Variants in KLHL9 observed in about 807,000 individuals in gnomAD.
KLHL9 encodes the protein kelch like family member 9, also known as kelch-like protein 9.
A neutral mutation model predicts 42.3 loss-of-function variants in KLHL9; 27 were observed. The observed-to-expected ratio is 0.64, with a 90% CI of 0.47 to 0.88. The LOEUF is 0.88. Ranked by LOEUF, KLHL9 falls within the 40% of genes least tolerant of loss-of-function variation. The pLI, the probability that KLHL9 is intolerant of heterozygous loss-of-function variation, is 0.00. For missense variants in KLHL9, 629 were observed against 750.3 expected (o/e 0.84, Z 1.89); for synonymous variants, 274 against 254.4 (o/e 1.08, Z -0.73).
chr9:21,333,846 G>A lies in KLHL9; in HGVS notation c.1014C>T (p.Tyr338=). 1 of 1,613,854 alleles carries A rather than the reference G, an allele frequency of 6.2e-7. No homozygotes were observed. Residue 338 remains tyrosine, a synonymous_variant, in exon 1 of 1, where the codon TAC becomes TAT. Coordinates refer to ENST00000359039, the MANE Select transcript of KLHL9 (RefSeq NM_018847.4). The surrounding 1 kb of genome is among the most constrained non-coding windows in gnomAD (Gnocchi z 7.5). ...RSLAPMDAPR[Y]QHGIAVIGNF... is the part of the protein sequence containing the mutation. ...TTCCAATGACAGCAATACCATGCTG[G>A]TAACGGGGAGCATCCATTGGGGCTA...
chr9:21,333,965 G>A lies in KLHL9; in HGVS notation c.895C>T (p.His299Tyr), dbSNP rs533792568. 1.1e-5 allele frequency: 17 copies of A among 1,614,174 alleles called. No individual in the cohort carries two copies. Among genetic ancestry groups the A allele is most frequent in the East Asian group, 2.2e-5 (1 of 44,888 alleles). ...DRTAIRSDSTHLVTLGGVLRQ... is the reference protein window; with the variant it reads ...DRTAIRSDSTYLVTLGGVLRQ... ...AAAACTCCTCCTAATGTAACCAAGT[G>A]AGTGGAGTCAGATCGAATGGCAGTT... is the stretch of plus-strand genomic sequence containing the variant. Residue 299 changes from histidine (H) to tyrosine (Y), a missense_variant, in exon 1 of 1, where the codon CAC becomes TAC. His to Tyr is a moderately conservative substitution (Grantham distance 83). Around this residue, in one of 4 missense-constraint regions of KLHL9, gnomAD observed 351 missense variants for 363.1 expected, o/e 0.97. Coordinates refer to ENST00000359039, the MANE Select transcript of KLHL9 (RefSeq NM_018847.4). The surrounding 1 kb of genome is among the most constrained non-coding windows in gnomAD (Gnocchi z 7.5).
rs907832177 is a variant in KLHL9 at position 21,330,786 on chromosome 9, G to C, written c.*2220C>G. The C allele has an allele frequency of 1.3e-5, 2 of 152,072 alleles. No individual in the cohort carries two copies. Among genetic ancestry groups the C allele is most frequent in the East Asian group, 3.9e-4 (2 of 5,180 alleles). The allele number at this position is 152,072 out of a possible 1,614,324, so 9.4% of individuals were successfully genotyped here. On this transcript the variant is annotated 3_prime_UTR_variant, in exon 1 of 1. Coordinates refer to ENST00000359039, the MANE Select transcript of KLHL9 (RefSeq NM_018847.4). ...TAAAAATACAAAATTAGCCGGGCTT[G>C]GTGGTACATGCCTGTAATCCCAGCT...
rs1337180840 is a variant in KLHL9, at chr9:21,333,050, G to A, written c.1810C>T (p.Pro604Ser). 5 of 1,614,180 alleles carry A rather than the reference G, an allele frequency of 3.1e-6. 1 individual carries two copies. In the South Asian group the frequency reaches 4.4e-5, roughly 14 times the overall value. ...GCTGAAAGAGGTGATTCTCTAGAAG[G>A]TGACCCAGGGTTTTCTTCAGGTGGA... ...VFPPEENPGS[P>S]SRESPLSAPS... The change falls in exon 1 of 1, where the codon CCT becomes TCT. Residue 604 changes from proline to serine, a missense_variant. This residue lies in a region of KLHL9 where 61 missense variants were observed against 63.5 expected (regional missense o/e 0.96). Transcript: ENST00000359039. This position sits in a 1 kb window ranked among gnomAD's most constrained non-coding sequence, Gnocchi z 7.5.
chr9:21,333,956 T>A lies in KLHL9; in HGVS notation c.904A>T (p.Thr302Ser), dbSNP rs201886256. ...AIRSDSTHLV[T>S]LGGVLRQQLV... ...TGCTGCCTCAAAACTCCTCCTAATG[T>A]AACCAAGTGAGTGGAGTCAGATCGA... Residue 302 changes from threonine to serine, a missense_variant, in exon 1 of 1, where the codon ACA (threonine) becomes TCA (serine). By Grantham distance (58) the Thr-to-Ser change is moderately conservative. Transcript: ENST00000359039. This position sits in a 1 kb window ranked among gnomAD's most constrained non-coding sequence, Gnocchi z 7.5. 2 of 1,614,110 alleles carry A rather than the reference T, an allele frequency of 1.2e-6. No homozygotes were observed. Among genetic ancestry groups the A allele is most frequent in the Admixed American group, 1.7e-5 (1 of 60,004 alleles).
Position 21,334,200 on chromosome 9 carries a change from A to T in KLHL9, c.660T>A (p.Cys220Ter). The change falls in exon 1 of 1, where the codon TGT (cysteine) becomes TGA (stop). Residue 220 changes from cysteine (C) to a stop codon, truncating the protein, a stop_gained. Coordinates refer to ENST00000359039, the MANE Select transcript of KLHL9 (RefSeq NM_018847.4). LOFTEE classifies it high-confidence loss of function. This position sits in a 1 kb window ranked among gnomAD's most constrained non-coding sequence, Gnocchi z 5.1. The part of the protein sequence containing the change: ...CTELELFKAA[C>*]RWLRLEDPRM... Reference sequence around the variant, plus strand: ...GAGGGTCTTCCAACCTTAGCCAGCGACAGGCTGCCTTAAAGAGTTCAAGTT... The same window carrying T: ...GAGGGTCTTCCAACCTTAGCCAGCGTCAGGCTGCCTTAAAGAGTTCAAGTT... 1 of 1,614,230 alleles carries T rather than the reference A, an allele frequency of 6.2e-7. No homozygotes were observed. Among genetic ancestry groups the T allele is most frequent in the Non-Finnish European group, 8.5e-7 (1 of 1,180,034 alleles).
Position 21,334,418 on chromosome 9 carries a change from CTGATA to C in KLHL9, c.437_441del (p.Ile146ArgfsTer6), listed in dbSNP as rs1563854940. On this transcript the variant is annotated frameshift_variant, in exon 1 of 1. Coordinates refer to ENST00000359039, the MANE Select transcript of KLHL9 (RefSeq NM_018847.4). LOFTEE classifies it high-confidence loss of function. This position sits in a 1 kb window ranked among gnomAD's most constrained non-coding sequence, Gnocchi z 5.1. ...TCAACACAGTTATCCAAAGAGACTC[CTGATA>C]TAAGAAATACTTTACAGAAATCCAA... The C allele has an allele frequency of 3.7e-6, 6 of 1,613,968 alleles. No individual in the cohort carries two copies. The highest frequency in any genetic ancestry group is 2.2e-5 in the South Asian group (2 of 91,074).
chr9:21,334,204 G>C lies in KLHL9; in HGVS notation c.656C>G (p.Ala219Gly). 9 of 1,614,164 alleles carry C rather than the reference G, an allele frequency of 5.6e-6. No homozygotes were observed. Among genetic ancestry groups the C allele is most frequent in the Non-Finnish European group, 6.8e-6 (8 of 1,180,022 alleles). Residue 219 changes from alanine to glycine, a missense_variant, in exon 1 of 1, where the codon GCC (alanine) becomes GGC (glycine). Coordinates refer to ENST00000359039, the MANE Select transcript of KLHL9 (RefSeq NM_018847.4). This position sits in a 1 kb window ranked among gnomAD's most constrained non-coding sequence, Gnocchi z 5.1. ...GTCTTCCAACCTTAGCCAGCGACAG[G>C]CTGCCTTAAAGAGTTCAAGTTCGGT... ...HCTELELFKA[A>G]CRWLRLEDPR...
In KLHL9 at chr9:21,335,207, CCCGCTCG is replaced by C; in HGVS notation, c.-355_-349del. On this transcript the variant is annotated 5_prime_UTR_variant, in exon 1 of 1. Transcript: ENST00000359039. ...GCCGCCACGTACTGTGGCTCCACGG[CCCGCTCG>C]GCGGCGGGTCCGGACACCTCAGCGA... 1 of 499,698 alleles carries C rather than the reference CCCGCTCG, an allele frequency of 2.0e-6. No individual in the cohort carries two copies. Among genetic ancestry groups the C allele is most frequent in the Non-Finnish European group, 3.6e-6 (1 of 276,456 alleles). The allele number at this position is 499,698 out of a possible 1,614,324, so 31.0% of individuals were successfully genotyped here.
rs775604555 is a variant in KLHL9, at chr9:21,334,704, C to G, written c.156G>C (p.Val52=). ...QLRIEGLLCD[V]TLVPGDGDEI... ...CATCTCCATCACCTGGTACCAGGGT[C>G]ACATCACAAAGCAATCCTTCTATTC... Residue 52 remains valine (V), a synonymous_variant, in exon 1 of 1, where the codon GTG becomes GTC. Coordinates refer to ENST00000359039, the MANE Select transcript of KLHL9 (RefSeq NM_018847.4). The surrounding 1 kb of genome is among the most constrained non-coding windows in gnomAD (Gnocchi z 5.1). 5.0e-6 allele frequency: 8 copies of G among 1,613,914 alleles called. No homozygotes were observed. The East Asian group carries it at 6.7e-5, about 13-fold the overall frequency.
chr9:21,333,086 G>A lies in KLHL9; in HGVS notation c.1774C>T (p.Leu592Phe). The change falls in exon 1 of 1, where the codon CTC (leucine) becomes TTC (phenylalanine). Residue 592 changes from leucine to phenylalanine, a missense_variant. Leu to Phe is a conservative substitution (Grantham distance 22). This residue lies in a region of KLHL9 where 61 missense variants were observed against 63.5 expected (regional missense o/e 0.96). Coordinates refer to ENST00000359039, the MANE Select transcript of KLHL9 (RefSeq NM_018847.4). This position sits in a 1 kb window ranked among gnomAD's most constrained non-coding sequence, Gnocchi z 7.5. Reference protein sequence around the residue: ...ESLGGIRACTLTVFPPEENPG... With the variant: ...ESLGGIRACTFTVFPPEENPG... ...TTTTCTTCAGGTGGAAAAACTGTGA[G>A]TGTACAGGCTCGAATGCCACCAAGT... is the stretch of plus-strand genomic sequence containing the variant. 6.2e-7 allele frequency: 1 copy of A among 1,614,174 alleles called. No homozygotes were observed.
At position 21,330,311 on chromosome 9, in the gene KLHL9, G is replaced by C. The variant is rs1820147150; in HGVS notation, c.*2695C>G. 1 of 152,158 alleles carries C rather than the reference G, an allele frequency of 6.6e-6. No homozygotes were observed. The highest frequency in any genetic ancestry group is 6.5e-5 in the Admixed American group (1 of 15,280). 9.4% of individuals were successfully genotyped at this position (152,158 alleles called of 1,614,324 possible). A position where few individuals can be genotyped will look rare whatever the true frequency, so the allele number is the denominator to read the frequency against. ...ATGAAACAAGTCTTCACTGTGTTTTGAGTGTAACCTGTCACATGAGCTCTG... is the reference window on the plus strand; with the variant it reads ...ATGAAACAAGTCTTCACTGTGTTTTCAGTGTAACCTGTCACATGAGCTCTG... On this transcript the variant is annotated 3_prime_UTR_variant, in exon 1 of 1. Transcript: ENST00000359039.
At position 21,334,212 on chromosome 9, in the gene KLHL9, A is replaced by T; in HGVS notation, c.648T>A (p.Phe216Leu). ...ACCTTAGCCAGCGACAGGCTGCCTTAAAGAGTTCAAGTTCGGTACAGTGCT... is the reference window on the plus strand; with the variant it reads ...ACCTTAGCCAGCGACAGGCTGCCTTTAAGAGTTCAAGTTCGGTACAGTGCT... Reference protein sequence around the residue: ...SLKHCTELELFKAACRWLRLE... With the variant: ...SLKHCTELELLKAACRWLRLE... The change falls in exon 1 of 1, where the codon TTT (phenylalanine) becomes TTA (leucine). Residue 216 changes from phenylalanine (F) to leucine (L), a missense_variant. By Grantham distance (22) the Phe-to-Leu change is conservative. Around this residue, in one of 4 missense-constraint regions of KLHL9, gnomAD observed 351 missense variants for 363.1 expected, o/e 0.97. Transcript: ENST00000359039. This position sits in a 1 kb window ranked among gnomAD's most constrained non-coding sequence, Gnocchi z 5.1. The T allele has an allele frequency of 1.2e-6, 2 of 1,614,196 alleles. No individual in the cohort carries two copies. Among genetic ancestry groups the T allele is most frequent in the East Asian group, 2.2e-5 (1 of 44,886 alleles).
Position 21,329,779 on chromosome 9 carries a change from T to TAA in KLHL9, c.*3225_*3226dup, listed in dbSNP as rs542666333. ...ACATATGTACGTATATATATATATA[T>TAA]AATATACTATTAATAGAAATTATCT... On this transcript the variant is annotated 3_prime_UTR_variant, in exon 1 of 1. Transcript: ENST00000359039. The TAA allele has an allele frequency of 1.3e-3, 190 of 150,206 alleles. No homozygotes were observed. The highest frequency in any genetic ancestry group is 4.4e-3 in the African/African-American group (183 of 41,154). 9.3% of individuals were successfully genotyped at this position (150,206 alleles called of 1,614,324 possible).
Position 21,333,884 on chromosome 9 carries a change from C to G in KLHL9, c.976G>C (p.Glu326Gln). ...ELRMYDERAQ[E>Q]WRSLAPMDAP... is the part of the protein sequence containing the mutation. The stretch of plus-strand genomic sequence containing the variant: ...TCCATTGGGGCTAAAGATCTCCATT[C>G]TTGTGCCCTTTCATCATACATCCGT... The change falls in exon 1 of 1, where the codon GAA becomes CAA. Residue 326 changes from glutamate (E) to glutamine (Q), a missense_variant. By Grantham distance (29) the Glu-to-Gln change is conservative. Around this residue, in one of 4 missense-constraint regions of KLHL9, gnomAD observed 214 missense variants for 305.8 expected, o/e 0.70. Coordinates refer to ENST00000359039, the MANE Select transcript of KLHL9 (RefSeq NM_018847.4). This position sits in a 1 kb window ranked among gnomAD's most constrained non-coding sequence, Gnocchi z 7.5. 6.2e-7 allele frequency: 1 copy of G among 1,614,030 alleles called. No individual in the cohort carries two copies. The highest frequency in any genetic ancestry group is 1.1e-5 in the South Asian group (1 of 91,078).
In KLHL9 at chr9:21,334,389, A is replaced by T. The variant is rs1330858854; in HGVS notation, c.471T>A (p.Val157=). The change falls in exon 1 of 1, where the codon GTT becomes GTA. Residue 157 remains valine (V), a synonymous_variant. Transcript: ENST00000359039. The surrounding 1 kb of genome is among the most constrained non-coding windows in gnomAD (Gnocchi z 5.1). ...GATTGTAGGTGTTAGCAATTCGTCC[A>T]ACCTCAACACAGTTATCCAAAGAGA... ...SGVSLDNCVE[V]GRIANTYNLI... The T allele has an allele frequency of 6.2e-7, 1 of 1,614,064 alleles. No individual in the cohort carries two copies.
Position 21,330,266 on chromosome 9 carries a change from T to A in KLHL9, c.*2740A>T, listed in dbSNP as rs1192464216. On this transcript the variant is annotated 3_prime_UTR_variant, in exon 1 of 1. Transcript: ENST00000359039. ...ACACGTAGTCTGAAGGTAATTATAA[T>A]AGTCTTAATAATGTTGTGCATGAAA... 6.6e-6 allele frequency: 1 copy of A among 152,234 alleles called. No homozygotes were observed. The allele number at this position is 152,234 out of a possible 1,614,324, so 9.4% of individuals were successfully genotyped here.
chr9:21,333,494 G>A lies in KLHL9; in HGVS notation c.1366C>T (p.His456Tyr). 3.7e-6 allele frequency: 6 copies of A among 1,614,162 alleles called. No homozygotes were observed. Among genetic ancestry groups the A allele is most frequent in the African/African-American group, 1.3e-5 (1 of 75,026 alleles). ...GLMYISGGITHDTFQNELMCF... is the reference protein window; with the variant it reads ...GLMYISGGITYDTFQNELMCF... ...ATGAGCTCATTTTGGAAAGTGTCAT[G>A]GGTAATTCCTCCTGAAATATACATT... The change falls in exon 1 of 1, where the codon CAT (histidine) becomes TAT (tyrosine). Residue 456 changes from histidine to tyrosine, a missense_variant. Transcript: ENST00000359039. This position sits in a 1 kb window ranked among gnomAD's most constrained non-coding sequence, Gnocchi z 7.5.
Position 21,333,890 on chromosome 9 carries a change from C to G in KLHL9, c.970G>C (p.Ala324Pro). 1 of 1,614,024 alleles carries G rather than the reference C, an allele frequency of 6.2e-7. No individual in the cohort carries two copies. The highest frequency in any genetic ancestry group is 1.1e-5 in the South Asian group (1 of 91,082). The change falls in exon 1 of 1, where the codon GCA becomes CCA. Residue 324 changes from alanine (A) to proline (P), a missense_variant. By Grantham distance (27) the Ala-to-Pro change is conservative. Around this residue, in one of 4 missense-constraint regions of KLHL9, gnomAD observed 214 missense variants for 305.8 expected, o/e 0.70. Transcript: ENST00000359039. This position sits in a 1 kb window ranked among gnomAD's most constrained non-coding sequence, Gnocchi z 7.5. ...GGGGCTAAAGATCTCCATTCTTGTG[C>G]CCTTTCATCATACATCCGTAATTCT... ...SKELRMYDER[A>P]QEWRSLAPMD...
chr9:21,332,529 T>C lies in KLHL9; in HGVS notation c.*477A>G, dbSNP rs1356086984. The C allele has an allele frequency of 6.2e-6, 1 of 160,768 alleles. No individual in the cohort carries two copies. Among genetic ancestry groups the C allele is most frequent in the Non-Finnish European group, 1.4e-5 (1 of 72,860 alleles). The allele number at this position is 160,768 out of a possible 1,614,324, so 10.0% of individuals were successfully genotyped here. A position where few individuals can be genotyped will look rare whatever the true frequency, so the allele number is the denominator to read the frequency against. The stretch of plus-strand genomic sequence containing the variant: ...CTAGTTAATATTTTTATTATTTCTG[T>C]CTACGTAAGAAACTTCAAATATTCT... On this transcript the variant is annotated 3_prime_UTR_variant, in exon 1 of 1. Coordinates refer to ENST00000359039, the MANE Select transcript of KLHL9 (RefSeq NM_018847.4).
Sources: allele counts gnomAD v4.1 joint callset, GRCh38; gene constraint gnomAD v4.1.1; regional missense constraint gnomAD v4.1.1; non-coding constraint Gnocchi (gnomAD v3.1); transcripts MANE v1.5; gene names NCBI Gene and HGNC (gene_info 2026-07-23, HGNC 2026-07-21).